Variants in DPYSL5 observed in about 807,000 individuals in gnomAD.
DPYSL5 encodes dihydropyrimidinase-related protein 5.
In DPYSL5, 9 loss-of-function variants were observed where a neutral mutation model predicts 58.4. The ratio of observed to expected loss-of-function variants is 0.15; its 90% confidence interval spans 0.09 to 0.27. The LOEUF (loss-of-function observed/expected upper bound fraction) is 0.27, where lower values mean the gene tolerates loss of function less well. DPYSL5 is among the 10% of genes least tolerant of loss of function. DPYSL5 has a pLI of 1.00. For synonymous variants in DPYSL5, 293 were observed against 301.9 expected (o/e 0.97, Z 0.31); for missense variants, 499 against 770.6 (o/e 0.65, Z 4.17).
intron 8 of DPYSL5, among the ~76,000 whole-genome samples, chr2:26,936,608 G>A (rs1665185680): frequency 1.3e-5 from 2 of 152,134 alleles, no homozygotes; most frequent in Non-Finnish European, 2.9e-5. Context: ...AAATAAATAT[G>A]GAGGGTAAAG....
At chr2:26,906,472 G>A (rs189277265) in intron 2 of DPYSL5, among the ~76,000 whole-genome samples, 17 of 152,070 alleles carry the variant, frequency 1.1e-4, no homozygotes, top group South Asian at 2.1e-4. Flanking sequence ...GTTAGCCACC[G>A]TGCCTGGCCA....
At chr2:26,859,943 G>A (rs1429222288) in intron 1 of DPYSL5, among the ~76,000 whole-genome samples, 2 of 152,160 alleles carry the variant, frequency 1.3e-5, no homozygotes, top group Non-Finnish European at 2.9e-5. Context: ...TGCCTGCAAC[G>A]GGCAGTGCGA....
intron 1 of DPYSL5, among the ~76,000 whole-genome samples, chr2:26,895,907 G>T (rs966883650): frequency 6.7e-6 from 1 of 150,336 alleles, no homozygotes; most frequent in Non-Finnish European, 1.5e-5. Flanking sequence ...AGCCTCCCGA[G>T]TAGCTGGGAT....
chr2:26,899,889 G>A (rs1019906382), intron 2 of DPYSL5, among the ~76,000 whole-genome samples: 18 of 152,118 alleles, frequency 1.2e-4, no homozygotes, highest in African/African-American at 3.9e-4. Context: ...GAATTCTCCC[G>A]GGCCCTGCAA....
intron 1 of DPYSL5, among the ~76,000 whole-genome samples, chr2:26,860,713 G>A (rs913842443): frequency 6.6e-6 from 1 of 152,270 alleles, no homozygotes; most frequent in Non-Finnish European, 1.5e-5. Context: ...GAATAAGGCA[G>A]GTATTTCTGT....
chr2:26,888,187 T>TTTCC (rs898973397), intron 1 of DPYSL5, among the ~76,000 whole-genome samples: 26 of 151,770 alleles, frequency 1.7e-4, no homozygotes, highest in East Asian at 1.4e-3. Context: ...TTTCTTTCTT[T>TTTCC]TTCCTTCCTT....
At position 26,940,143 on chromosome 2, in the gene DPYSL5, C is replaced by T; in HGVS notation, c.1060C>T (p.Arg354Cys). The change falls in exon 9 of 13, where the codon CGC (arginine) becomes TGC (cysteine). Residue 354 changes from arginine to cysteine, a missense_variant. Transcript: ENST00000288699. Reference protein sequence around the residue: ...IPHGVSGVQDRMSVIWERGVV... With the variant: ...IPHGVSGVQDCMSVIWERGVV... ...ACATGGAGTGAGTGGCGTGCAGGAC[C>T]GCATGAGCGTCATCTGGGAGAGAGG... 1 of 1,614,108 alleles carries T rather than the reference C, an allele frequency of 6.2e-7. No individual in the cohort carries two copies. The highest frequency in any genetic ancestry group is 2.2e-5 in the East Asian group (1 of 44,882).
chr2:26,888,247 T>TTCTG (rs1249445157), intron 1 of DPYSL5, among the ~76,000 whole-genome samples: 39 of 142,904 alleles, frequency 2.7e-4, no homozygotes, highest in African/African-American at 9.3e-4. Context: ...CTTTCTTTCT[T>TTCTG]TCTTTCTTTC....
At chr2:26,936,945 TAAAAAA>T (rs55795892) in intron 8 of DPYSL5, among the ~76,000 whole-genome samples, 1 of 77,872 alleles carries the variant, frequency 1.3e-5, no homozygotes, top group African/African-American at 5.0e-5. Context: ...AGACTTCATT[TAAAAAA>T]AAAAAAAAAA....
intron 2 of DPYSL5, among the ~76,000 whole-genome samples, chr2:26,914,685 G>C (rs1664521544): frequency 6.6e-6 from 1 of 152,172 alleles, no homozygotes; most frequent in African/African-American, 2.4e-5. Flanking sequence ...GCAGTGTGGG[G>C]TGCACCTGGG....
intron 1 of DPYSL5, among the ~76,000 whole-genome samples, chr2:26,874,321 T>C (rs1663351954): frequency 1.3e-5 from 2 of 152,208 alleles, no homozygotes; most frequent in Non-Finnish European, 2.9e-5. Flanking sequence ...ATGCTTTTTA[T>C]GTCCTAACCC....
chr2:26,919,173 A>T (rs1664646817), intron 2 of DPYSL5, among the ~76,000 whole-genome samples: 1 of 152,188 alleles, frequency 6.6e-6, no homozygotes, highest in African/African-American at 2.4e-5. Flanking sequence ...ATGTCTTTCC[A>T]ACTTGCTGAG....
At chr2:26,887,246 T>C (rs986233940) in intron 1 of DPYSL5, among the ~76,000 whole-genome samples, 20 of 152,236 alleles carry the variant, frequency 1.3e-4, no homozygotes, top group Middle Eastern at 3.2e-3. Context: ...AAAGAGGAAA[T>C]GCATGTCTGA....
At chr2:26,912,914 G>A (rs1043398016) in intron 2 of DPYSL5, among the ~76,000 whole-genome samples, 1 of 152,120 alleles carries the variant, frequency 6.6e-6, no homozygotes, top group African/African-American at 2.4e-5. Context: ...AGGAATCTTG[G>A]AGCTGGGGAG....
At position 26,921,456 on chromosome 2, in the gene DPYSL5, T is replaced by C. The variant is rs564941758; in HGVS notation, c.262-3431T>C. Among the ~76,000 whole-genome samples, 13 of 152,348 alleles carry C rather than the reference T, an allele frequency of 8.5e-5. No homozygotes were observed. The East Asian group carries it at 2.5e-3, about 29-fold the overall frequency. On this transcript the variant is annotated intron_variant, in intron 2 of 12. Transcript: ENST00000288699. The stretch of plus-strand genomic sequence containing the variant: ...CACATGTTCTTAAACATCATCCTTT[T>C]GAAAGCCTCGGGAACACAATTGGGC...
intron 11 of DPYSL5, among the ~76,000 whole-genome samples, chr2:26,943,023 G>A (rs1463135679): frequency 6.6e-6 from 1 of 152,354 alleles, no homozygotes; most frequent in East Asian, 1.9e-4. Flanking sequence ...AGTGGGAAAT[G>A]TGAGTGTGTG....
chr2:26,886,749 ACTCAAAGAGAAT>A (rs1363630330), intron 1 of DPYSL5, among the ~76,000 whole-genome samples: 2 of 152,010 alleles, frequency 1.3e-5, no homozygotes, highest in Non-Finnish European at 2.9e-5. Context: ...GCATGTTTCA[ACTCAAAGAGAAT>A]CCCTTCCCTG....
In DPYSL5 at chr2:26,924,958, C is replaced by T. The variant is rs149374402; in HGVS notation, c.333C>T (p.Asp111=). The change falls in exon 3 of 13, where the codon GAC becomes GAT. Residue 111 remains aspartate, a synonymous_variant. Transcript: ENST00000288699. The surrounding 1 kb of genome is among the most constrained non-coding windows in gnomAD (Gnocchi z 4.7). ...CCGACAAGGAGACCTCCCTTGTGGA[C>T]GCTTATGAGAAGTGCCGAGGTCTGG... ...VLPDKETSLV[D]AYEKCRGLAD... is the part of the protein sequence containing the mutation. The T allele has an allele frequency of 2.6e-4, 422 of 1,614,152 alleles. 2 individuals are homozygous for T. The African/African-American group carries it at 4.8e-3, about 18-fold the overall frequency.
chr2:26,940,933 TATTATTTA>T (rs1665300699), intron 9 of DPYSL5, among the ~76,000 whole-genome samples: 1 of 105,806 alleles, frequency 9.5e-6, no homozygotes, highest in African/African-American at 3.6e-5. Context: ...TTATTATTAT[TATTATTTA>T]TTTTTTTTTG....
Sources: allele counts gnomAD v4.1 joint callset (sites outside exome capture counted in the v4.1 genomes callset), GRCh38; gene constraint gnomAD v4.1.1; non-coding constraint Gnocchi (gnomAD v3.1); transcripts MANE v1.5; gene names NCBI Gene and HGNC (gene_info 2026-07-23, HGNC 2026-07-21).